GFRA1: variants seen among roughly 807,000 people sequenced by gnomAD.
GFRA1 encodes the protein GDNF family receptor alpha-1.
GFRA1 carries 16 observed loss-of-function variants against 51.6 expected under a neutral mutation model. The ratio of observed to expected loss-of-function variants is 0.31; its 90% CI spans 0.21 to 0.47. The LOEUF (loss-of-function observed/expected upper bound fraction) is 0.47. Ranked by LOEUF, GFRA1 falls within the 20% of genes least tolerant of loss-of-function variation. The pLI, the probability that GFRA1 is intolerant of heterozygous loss-of-function variation, is 1.00. For missense variants in GFRA1, 530 were observed against 594.3 expected (o/e 0.89, Z 1.13); for synonymous variants, 270 against 241.3 (o/e 1.12, Z -1.10).
intron 7 of GFRA1, among the ~76,000 whole-genome samples, chr10:116,094,600 G>T (rs923154138): frequency 6.6e-6 from 1 of 152,186 alleles, no homozygotes; most frequent in Admixed American, 6.5e-5. Context: ...ACCAGGCAAT[G>T]CCCGCTGATG....
chr10:116,257,258 T>C (rs1407811566), intron 4 of GFRA1, among the ~76,000 whole-genome samples: 1 of 152,168 alleles, frequency 6.6e-6, no homozygotes, highest in East Asian at 1.9e-4. Flanking sequence ...GGTCCCTGTC[T>C]GCTCTGCTGT....
intron 4 of GFRA1, among the ~76,000 whole-genome samples, chr10:116,236,989 A>G (rs1261123593): frequency 6.6e-6 from 1 of 152,240 alleles, no homozygotes; most frequent in African/African-American, 2.4e-5. Context: ...TAGTCACAAC[A>G]AACTTGCAAA....
chr10:116,161,069 C>A (rs1485242507), intron 5 of GFRA1, among the ~76,000 whole-genome samples: 1 of 152,204 alleles, frequency 6.6e-6, no homozygotes, highest in Non-Finnish European at 1.5e-5. Flanking sequence ...GGAGGCAGAA[C>A]TCAGGAGTAG....
rs1361275994 is a variant in GFRA1 at position 116,065,446 on chromosome 10, G to A, written c.1251+127C>T. On this transcript the variant is annotated intron_variant, in intron 10 of 10. Coordinates refer to ENST00000355422, the MANE Select transcript of GFRA1 (RefSeq NM_005264.8). The stretch of plus-strand genomic sequence containing the variant: ...CTCAAAGGGCAGACGGTCATGGAGG[G>A]TGGCTTAGATTTCTTGTGGACTGGA... 11 of 763,332 alleles carry A rather than the reference G, an allele frequency of 1.4e-5. No individual in the cohort carries two copies. The South Asian group carries it at 1.6e-4, about 11-fold the overall frequency. 47.3% of individuals were successfully genotyped at this position (763,332 alleles called of 1,614,324 possible). A position where few individuals can be genotyped will look rare whatever the true frequency, so the allele number is the denominator to read the frequency against.
intron 9 of GFRA1, among the ~76,000 whole-genome samples, chr10:116,068,460 T>A (rs1589760683): frequency 6.6e-6 from 1 of 152,142 alleles, no homozygotes; most frequent in Non-Finnish European, 1.5e-5. Flanking sequence ...GTGTCGGCTG[T>A]CTAGACTGGA....
chr10:116,084,578 A>G (rs1243907752), intron 9 of GFRA1, among the ~76,000 whole-genome samples: 1 of 152,170 alleles, frequency 6.6e-6, no homozygotes, highest in Non-Finnish European at 1.5e-5. Context: ...AAACCTTCTC[A>G]GGAGGCCTGA....
At position 116,194,063 on chromosome 10, in the gene GFRA1, ATT is replaced by A. The variant is rs11352244; in HGVS notation, c.433+17566_433+17567del. 4.0e-3 allele frequency among the ~76,000 whole-genome samples: 471 copies of A among 118,000 alleles called. 15 individuals carry two copies. The highest frequency in any genetic ancestry group is 0.013 in the African/African-American group (400 of 31,010). The allele number at this position is 118,000 out of a possible 152,430, so 77.4% of individuals were successfully genotyped here. On this transcript the variant is annotated intron_variant, in intron 5 of 10. Transcript: ENST00000355422. Reference sequence around the variant, plus strand: ...CAATAAAAAAAAATAAATAAATAAAATTTAAAAAAAAAAAAAAAAGGTGGCTC... The same window carrying A: ...CAATAAAAAAAAATAAATAAATAAAATAAAAAAAAAAAAAAAAGGTGGCTC...
At chr10:116,224,259 T>C (rs1450251910) in intron 4 of GFRA1, among the ~76,000 whole-genome samples, 1 of 152,200 alleles carries the variant, frequency 6.6e-6, no homozygotes, top group Non-Finnish European at 1.5e-5. Context: ...TCAAATGGTA[T>C]AGCCACTTTG....
chr10:116,158,334 C>T (rs980385913), intron 5 of GFRA1, among the ~76,000 whole-genome samples: 3 of 152,188 alleles, frequency 2.0e-5, no homozygotes, highest in Admixed American at 1.3e-4. Context: ...AGATTGTAAA[C>T]TCCATGAGGG....
At chr10:116,264,840 G>C (rs1235617372) in intron 4 of GFRA1, among the ~76,000 whole-genome samples, 1 of 152,134 alleles carries the variant, frequency 6.6e-6, no homozygotes, top group Non-Finnish European at 1.5e-5. Flanking sequence ...AAACGAATGG[G>C]GGTTCTCAAA....
intron 6 of GFRA1, among the ~76,000 whole-genome samples, chr10:116,118,628 C>T (rs1408721761): frequency 2.6e-5 from 4 of 152,178 alleles, no homozygotes; most frequent in Non-Finnish European, 5.9e-5. Flanking sequence ...CTGTTTGGGC[C>T]TCCTAGGTGG....
At chr10:116,141,885 CT>C (rs980501504) in intron 5 of GFRA1, among the ~76,000 whole-genome samples, 9 of 151,384 alleles carry the variant, frequency 5.9e-5, no homozygotes, top group African/African-American at 1.9e-4. Flanking sequence ...TACCCGACCT[CT>C]TTTTTTTTAA....
intron 4 of GFRA1, among the ~76,000 whole-genome samples, chr10:116,251,874 A>G (rs1404451903): frequency 1.3e-5 from 2 of 151,372 alleles, no homozygotes; most frequent in Non-Finnish European, 2.9e-5. Context: ...GCAGAGGAGC[A>G]GAAATGGGCA....
rs1954932353 is a variant in GFRA1, at chr10:116,063,655, CTTAGGA to C, written c.*737_*742del. 6.6e-6 allele frequency: 1 copy of C among 152,172 alleles called. No individual in the cohort carries two copies. Among genetic ancestry groups the C allele is most frequent in the Non-Finnish European group, 1.5e-5 (1 of 68,068 alleles). 9.4% of individuals were successfully genotyped at this position (152,172 alleles called of 1,614,324 possible). On this transcript the variant is annotated 3_prime_UTR_variant, in exon 11 of 11. Transcript: ENST00000355422. ...TAAAGGGCTTCTCACTCAGGTAAGG[CTTAGGA>C]TTAGGAGAGTGTCGTTCAGGGATTG...
intron 5 of GFRA1, among the ~76,000 whole-genome samples, chr10:116,154,568 A>T (rs1327362229): frequency 6.6e-6 from 1 of 152,146 alleles, no homozygotes; most frequent in Non-Finnish European, 1.5e-5. Context: ...AAGTGACTAG[A>T]AGGAGTTAGG....
chr10:116,096,996 C>T (rs1439323070), intron 6 of GFRA1, among the ~76,000 whole-genome samples: 1 of 152,182 alleles, frequency 6.6e-6, no homozygotes, highest in African/African-American at 2.4e-5. Context: ...CCTCGCCCAC[C>T]TGTGTGTCTC....
chr10:116,147,409 A>G (rs545526707), intron 5 of GFRA1, among the ~76,000 whole-genome samples: 68 of 152,222 alleles, frequency 4.5e-4, no homozygotes, highest in African/African-American at 1.6e-3. Flanking sequence ...GGTGGTTCAC[A>G]CTGCACCATC....
At chr10:116,121,435 G>A (rs943297841) in intron 6 of GFRA1, among the ~76,000 whole-genome samples, 1 of 152,172 alleles carries the variant, frequency 6.6e-6, no homozygotes, top group Admixed American at 6.5e-5. Flanking sequence ...AAAGGAATCT[G>A]TCAGCTTCCC....
chr10:116,135,089 G>A (rs1480104356), intron 5 of GFRA1, among the ~76,000 whole-genome samples: 1 of 152,216 alleles, frequency 6.6e-6, no homozygotes, highest in African/African-American at 2.4e-5. Flanking sequence ...AATGGTTGCA[G>A]GTGATACAGG....
Sources: allele counts gnomAD v4.1 joint callset (sites outside exome capture counted in the v4.1 genomes callset), GRCh38; gene constraint gnomAD v4.1.1; transcripts MANE v1.5; gene names NCBI Gene and HGNC (gene_info 2026-07-23, HGNC 2026-07-21).